PPM1A: variants seen among roughly 807,000 people sequenced by gnomAD.
PPM1A encodes the protein protein phosphatase 1A.
Under a neutral mutation model 35.0 loss-of-function variants are expected in PPM1A, and 7 were observed. The observed-to-expected ratio is 0.20, with a 90% CI of 0.11 to 0.38. The LOEUF is 0.38. PPM1A is among the 10% of genes least tolerant of loss of function. The pLI, the probability that PPM1A is intolerant of heterozygous loss-of-function variation, is 1.00. For synonymous variants in PPM1A, 153 were observed against 167.3 expected (o/e 0.91, Z 0.66); for missense variants, 239 against 467.8 (o/e 0.51, Z 4.51).
Position 60,249,560 on chromosome 14 carries a change from C to G in PPM1A, c.-138C>G, listed in dbSNP as rs992768651. On this transcript the variant is annotated 5_prime_UTR_variant, in exon 1 of 6. Transcript: ENST00000395076. This position sits in a 1 kb window ranked among gnomAD's most constrained non-coding sequence, Gnocchi z 4.5. ...CCTTCCCCAGCCTGACCTGGCCCGC[C>G]GCTGCAGCGGTGACCCCTCCCCCGG... 1 of 985,990 alleles carries G rather than the reference C, an allele frequency of 1.0e-6. No homozygotes were observed. The highest frequency in any genetic ancestry group is 1.2e-6 in the Non-Finnish European group (1 of 830,260). 61.1% of individuals were successfully genotyped at this position (985,990 alleles called of 1,614,324 possible).
At chr14:60,268,074 G>T (rs774370901) in intron 1 of PPM1A, among the ~76,000 whole-genome samples, 1 of 151,990 alleles carries the variant, frequency 6.6e-6, no homozygotes, top group Non-Finnish European at 1.5e-5. Context: ...GATTTTATCA[G>T]TTGTCCCAGT....
intron 2 of PPM1A, among the ~76,000 whole-genome samples, chr14:60,284,774 T>C (rs1366032471): frequency 6.6e-6 from 1 of 150,616 alleles, no homozygotes; most frequent in East Asian, 1.9e-4. Flanking sequence ...CTACACCCTT[T>C]CCTACAGATA....
rs1035412290 is a variant in PPM1A at position 60,291,332 on chromosome 14, C to T, written c.1062-65C>T. ...CTTAGAAATTTTAATAAACACCTGG[C>T]TATGAGTTACTAAGCAATGTTTTGC... On this transcript the variant is annotated intron_variant, in intron 4 of 5. Transcript: ENST00000395076. 7 of 1,121,648 alleles carry T rather than the reference C, an allele frequency of 6.2e-6. No individual in the cohort carries two copies. In the Middle Eastern group the frequency reaches 6.1e-4, roughly 98 times the overall value. 69.5% of individuals were successfully genotyped at this position (1,121,648 alleles called of 1,614,324 possible).
At chr14:60,272,857 C>T (rs1381499463) in intron 1 of PPM1A, among the ~76,000 whole-genome samples, 2 of 152,076 alleles carry the variant, frequency 1.3e-5, no homozygotes, top group African/African-American at 4.8e-5. Flanking sequence ...TTCAGTTTTG[C>T]AGTTGAGATG....
At chr14:60,288,241 T>A in intron 3 of PPM1A, 1 of 967,192 alleles carries the variant, frequency 1.0e-6, no homozygotes, top group Non-Finnish European at 1.2e-6. Context: ...AATATCCTAA[T>A]TTATATTTTA....
chr14:60,263,433 T>C (rs1884004964), intron 1 of PPM1A, among the ~76,000 whole-genome samples: 1 of 152,220 alleles, frequency 6.6e-6, no homozygotes, highest in South Asian at 2.1e-4. Flanking sequence ...ACTTTATTAT[T>C]TTATTTCTTC....
In PPM1A at chr14:60,283,151, T is replaced by A. The variant is rs768255466; in HGVS notation, c.448T>A (p.Leu150Ile). 3 of 1,614,228 alleles carry A rather than the reference T, an allele frequency of 1.9e-6. No homozygotes were observed. In the South Asian group the frequency reaches 3.3e-5, roughly 18 times the overall value. ...YFINCGDSRG[L>I]LCRNRKVHFF... ...CATTAACTGTGGAGACTCAAGAGGT[T>A]TACTTTGTAGGAACAGGAAAGTTCA... is the stretch of plus-strand genomic sequence containing the variant. Residue 150 changes from leucine (L) to isoleucine (I), a missense_variant, in exon 2 of 6, where the codon TTA becomes ATA. This residue lies in a region of PPM1A where 175 missense variants were observed against 389.2 expected (regional missense o/e 0.45). Transcript: ENST00000395076. This position sits in a 1 kb window ranked among gnomAD's most constrained non-coding sequence, Gnocchi z 6.3.
chr14:60,266,398 T>C (rs116089387), intron 1 of PPM1A, among the ~76,000 whole-genome samples: 1,563 of 152,322 alleles, frequency 0.01, 32 homozygotes, highest in African/African-American at 0.034. Context: ...CTTATTCCTT[T>C]GGAATCAGTC....
At chr14:60,252,871 G>A (rs1462360144) in intron 1 of PPM1A, among the ~76,000 whole-genome samples, 1 of 152,100 alleles carries the variant, frequency 6.6e-6, no homozygotes, top group Admixed American at 6.5e-5. Flanking sequence ...ACCTTTGAAT[G>A]TCCTGGCTAT....
intron 1 of PPM1A, among the ~76,000 whole-genome samples, chr14:60,254,016 AT>A (rs1882753326): frequency 6.6e-6 from 1 of 152,148 alleles, no homozygotes. Flanking sequence ...TATCTTGAAG[AT>A]TTAATGAAAT....
Position 60,249,290 on chromosome 14 carries a change from T to C in PPM1A, c.-408T>C. ...GCGCGGGAGCTAGAGAGCAGTGGTC[T>C]CGGCGCTCGTCCGGCCCGCAGCTTC... On this transcript the variant is annotated 5_prime_UTR_variant, in exon 1 of 6. Coordinates refer to ENST00000395076, the MANE Select transcript of PPM1A (RefSeq NM_021003.5). The surrounding 1 kb of genome is among the most constrained non-coding windows in gnomAD (Gnocchi z 4.5). 3 of 968,090 alleles carry C rather than the reference T, an allele frequency of 3.1e-6. No individual in the cohort carries two copies. Among genetic ancestry groups the C allele is most frequent in the Non-Finnish European group, 2.4e-6 (2 of 825,632 alleles). 60.0% of individuals were successfully genotyped at this position (968,090 alleles called of 1,614,324 possible).
At position 60,283,880 on chromosome 14, in the gene PPM1A, T is replaced by TA; in HGVS notation, c.834+344dup. Among the ~76,000 whole-genome samples, 1 of 152,366 alleles carries TA rather than the reference T, an allele frequency of 6.6e-6. No homozygotes were observed. The highest frequency in any genetic ancestry group is 2.1e-4 in the South Asian group (1 of 4,830). On this transcript the variant is annotated intron_variant, in intron 2 of 5. Coordinates refer to ENST00000395076, the MANE Select transcript of PPM1A (RefSeq NM_021003.5). This position sits in a 1 kb window ranked among gnomAD's most constrained non-coding sequence, Gnocchi z 6.3. The stretch of plus-strand genomic sequence containing the variant: ...CAGTGTCTATAAATGAAAAGCATTT[T>TA]AGAGTTTTAATATTTGACCATGTGA...
At chr14:60,280,886 T>C (rs541471613) in intron 1 of PPM1A, among the ~76,000 whole-genome samples, 1 of 152,324 alleles carries the variant, frequency 6.6e-6, no homozygotes, top group South Asian at 2.1e-4. Flanking sequence ...ACAGCCATGG[T>C]AGAGACCCAT....
intron 3 of PPM1A, chr14:60,287,202 G>A: frequency 1.1e-6 from 1 of 948,542 alleles, no homozygotes; most frequent in Non-Finnish European, 1.3e-6. Flanking sequence ...TACACTTTAA[G>A]TTTTAGATGG....
At chr14:60,274,632 A>G (rs1885532433) in intron 1 of PPM1A, among the ~76,000 whole-genome samples, 1 of 125,282 alleles carries the variant, frequency 8.0e-6, no homozygotes, top group African/African-American at 3.2e-5. Flanking sequence ...ATTACAGCAG[A>G]AAAGTAGGAG....
intron 1 of PPM1A, among the ~76,000 whole-genome samples, chr14:60,250,054 C>T (rs955311960): frequency 2.6e-5 from 4 of 151,326 alleles, no homozygotes; most frequent in Non-Finnish European, 5.9e-5. Context: ...GAGGGGGCGT[C>T]CCCGCGCCCC....
At chr14:60,284,499 G>A (rs947499642) in intron 2 of PPM1A, among the ~76,000 whole-genome samples, 4 of 151,876 alleles carry the variant, frequency 2.6e-5, no homozygotes, top group African/African-American at 9.7e-5. Flanking sequence ...AAAATTAGCC[G>A]GGTGTGGTGG....
At position 60,249,805 on chromosome 14, in the gene PPM1A, G is replaced by A; in HGVS notation, c.-21+128G>A. On this transcript the variant is annotated intron_variant, in intron 1 of 5. Transcript: ENST00000395076. The surrounding 1 kb of genome is among the most constrained non-coding windows in gnomAD (Gnocchi z 4.5). ...CCCGGGCGCTCCCGGGAGGAGACGC[G>A]ACAACTCCACCCCCTGGCCGGCCTC... The A allele has an allele frequency of 2.2e-6, 1 of 452,890 alleles. No individual in the cohort carries two copies. Among genetic ancestry groups the A allele is most frequent in the Non-Finnish European group, 2.9e-6 (1 of 343,144 alleles). The allele number at this position is 452,890 out of a possible 1,614,324, so 28.1% of individuals were successfully genotyped here. A position where few individuals can be genotyped will look rare whatever the true frequency, so the allele number is the denominator to read the frequency against.
intron 1 of PPM1A, among the ~76,000 whole-genome samples, chr14:60,260,945 C>G (rs1883680700): frequency 6.6e-6 from 1 of 152,114 alleles, no homozygotes; most frequent in African/African-American, 2.4e-5. Flanking sequence ...GAACCAGACT[C>G]CTTACTAGTA....
Sources: gnomAD v4.1 joint callset for allele counts (sites outside exome capture counted in the v4.1 genomes callset) on GRCh38, gnomAD v4.1.1 for gene constraint, gnomAD v4.1.1 regional missense constraint, Gnocchi (gnomAD v3.1) non-coding constraint, MANE v1.5 for transcripts, NCBI Gene and HGNC (gene_info 2026-07-23, HGNC 2026-07-21) for gene names.